The following CDKL3 variants were observed in gnomAD, a reference collection of about 807,000 sequenced individuals.
The protein encoded by CDKL3 is cyclin-dependent kinase-like 3.
A neutral mutation model predicts 69.3 loss-of-function variants in CDKL3; 65 were observed. The observed-to-expected ratio is 0.94, with a 90% CI of 0.77 to 1.15. The LOEUF (loss-of-function observed/expected upper bound fraction) is 1.15, where lower values mean the gene tolerates loss of function less well. Ranked by LOEUF, CDKL3 falls within the 50% of genes most tolerant of loss-of-function variation. CDKL3 has a pLI of 0.00. For missense variants in CDKL3, 652 were observed against 689.2 expected (o/e 0.95, Z 0.61); for synonymous variants, 202 against 221.6 (o/e 0.91, Z 0.79).
upstream of CDKL3, among the ~76,000 whole-genome samples, chr5:134,369,194 G>A (rs928479237): frequency 1.3e-5 from 2 of 152,226 alleles, no homozygotes; most frequent in African/African-American, 4.8e-5. Flanking sequence ...AGGACAGCCA[G>A]TGATTCTTGC....
intron 3 of CDKL3, among the ~76,000 whole-genome samples, chr5:134,357,631 CA>C (rs570936252): frequency 6.7e-6 from 1 of 150,156 alleles, no homozygotes; most frequent in African/African-American, 2.4e-5. Context: ...GACTCTGTCT[CA>C]AAAAAAAATA....
intron 4 of CDKL3, among the ~76,000 whole-genome samples, chr5:134,345,919 G>A (rs1751748290): frequency 6.6e-6 from 1 of 152,160 alleles, no homozygotes; most frequent in Non-Finnish European, 1.5e-5. Flanking sequence ...CTTAGACTAT[G>A]ATACCTGAAA....
chr5:134,364,714 C>T (rs1756967113), intron 2 of CDKL3, among the ~76,000 whole-genome samples: 1 of 151,928 alleles, frequency 6.6e-6, no homozygotes, highest in Non-Finnish European at 1.5e-5. Context: ...GGTTTCACTA[C>T]ATTGGCCAGG....
chr5:134,308,389 T>C lies in CDKL3; in HGVS notation c.1113A>G (p.Ser371=). ...IKVKGGRGDI[S]EPKKKEYEGG... ...CTTCATACTCTTTCTTTTTTGGTTC[T>C]GAGATATCTCCTCTTCCTCCTTTGA... The change falls in exon 9 of 13, where the codon TCA becomes TCG. Residue 371 remains serine, a synonymous_variant. Coordinates refer to ENST00000265334, the MANE Select transcript of CDKL3 (RefSeq NM_001113575.2). 1 of 1,613,650 alleles carries C rather than the reference T, an allele frequency of 6.2e-7. No homozygotes were observed. Among genetic ancestry groups the C allele is most frequent in the Non-Finnish European group, 8.5e-7 (1 of 1,179,718 alleles).
chr5:134,335,141 C>CTTT (rs374206722), intron 4 of CDKL3, among the ~76,000 whole-genome samples: 8 of 136,052 alleles, frequency 5.9e-5, no homozygotes, highest in African/African-American at 2.2e-4. Context: ...TCAACCTCTG[C>CTTT]TTTTTTTTTT....
chr5:134,305,580 T>C (rs1340930759), intron 10 of CDKL3, among the ~76,000 whole-genome samples: 1 of 152,224 alleles, frequency 6.6e-6, no homozygotes, highest in Non-Finnish European at 1.5e-5. Context: ...ACATCCAGCA[T>C]CTGGGAAACC....
chr5:134,366,946 A>T, intron 1 of CDKL3, 31 bp downstream of exon 1: 1 of 991,298 alleles, frequency 1.0e-6, no homozygotes, highest in Non-Finnish European at 1.2e-6. Flanking sequence ...TCTCGCCCGC[A>T]ACTCAAACCA....
chr5:134,350,851 A>G (rs1370530682), intron 3 of CDKL3, among the ~76,000 whole-genome samples: 1 of 151,558 alleles, frequency 6.6e-6, no homozygotes, highest in Non-Finnish European at 1.5e-5. Flanking sequence ...AAAAGAAAAA[A>G]AGAAAGAAAA....
rs867070848 is a variant in CDKL3 at position 134,321,889 on chromosome 5, C to T, written c.554G>A (p.Trp185Ter). Residue 185 changes from tryptophan (W) to a stop codon, truncating the protein, a stop_gained, in exon 5 of 13, where the codon TGG becomes TAG. Coordinates refer to ENST00000265334, the MANE Select transcript of CDKL3 (RefSeq NM_001113575.2). LOFTEE classifies it high-confidence loss of function. ...DTSYGKPVDI[W>*]ALGCMIIEMA... ...CTCAATGATCATACAGCCCAAAGCC[C>T]AGATATCCACAGGTCTGAAACAGAT... The T allele has an allele frequency of 8.8e-6, 14 of 1,596,950 alleles. No individual in the cohort carries two copies. The highest frequency in any genetic ancestry group is 3.4e-5 in the Admixed American group (2 of 59,510).
chr5:134,342,082 C>G (rs566567125), intron 4 of CDKL3, among the ~76,000 whole-genome samples: 3 of 152,040 alleles, frequency 2.0e-5, no homozygotes, highest in Non-Finnish European at 4.4e-5. Flanking sequence ...CTCCTTGGCA[C>G]GAGATGACGA....
At chr5:134,295,559 T>C (rs750530573), downstream of CDKL3, among the ~76,000 whole-genome samples, 1 of 152,248 alleles carries the variant, frequency 6.6e-6, no homozygotes, top group Non-Finnish European at 1.5e-5. Context: ...AACCTAATAG[T>C]TGCTGAGGCC....
chr5:134,354,139 C>T (rs1753982461), intron 3 of CDKL3, among the ~76,000 whole-genome samples: 1 of 152,166 alleles, frequency 6.6e-6, no homozygotes, highest in African/African-American at 2.4e-5. Context: ...CATCAATCTG[C>T]ACTTCCCCCT....
intron 2 of CDKL3, among the ~76,000 whole-genome samples, chr5:134,364,908 G>A (rs1415256864): frequency 6.6e-6 from 1 of 151,734 alleles, no homozygotes; most frequent in Non-Finnish European, 1.5e-5. Context: ...CTGGGTTTGA[G>A]CGATTGTCGT....
intron 12 of CDKL3, 25 bp from the exon 13 acceptor site, chr5:134,298,735 AGAATCAGGGACTG>A (rs752594825): frequency 6.2e-7 from 1 of 1,606,184 alleles, no homozygotes; most frequent in Admixed American, 1.7e-5. Context: ...CAAGCTAGTA[AGAATCAGGGACTG>A]GAATGTAAAT....
intron 6 of CDKL3, among the ~76,000 whole-genome samples, chr5:134,314,517 C>T (rs1401538307): frequency 3.3e-5 from 5 of 152,120 alleles, no homozygotes; most frequent in African/African-American, 1.2e-4. Flanking sequence ...CTCATGGCAA[C>T]TTTATTTGTA....
chr5:134,354,862 G>A (rs1249090969), intron 3 of CDKL3, among the ~76,000 whole-genome samples: 2 of 152,082 alleles, frequency 1.3e-5, no homozygotes, highest in East Asian at 1.9e-4. Context: ...CAGGAGAATC[G>A]CTTGAACCCA....
rs561010193 is a variant in CDKL3 at position 134,355,982 on chromosome 5, G to C, written c.360+3915C>G. ...GACAGTTTTTCTATGGACCAGGCTG[G>C]GGGATGGTTTCAGGATGCTTCAAGT... On this transcript the variant is annotated intron_variant, in intron 3 of 12. Transcript: ENST00000265334. Among the ~76,000 whole-genome samples, 4 of 152,306 alleles carry C rather than the reference G, an allele frequency of 2.6e-5. No homozygotes were observed. The South Asian group carries it at 8.3e-4, about 32-fold the overall frequency.
intron 10 of CDKL3, 99 bp from the exon 11 acceptor site, chr5:134,304,666 A>C: frequency 2.5e-6 from 2 of 797,656 alleles, no homozygotes; most frequent in Non-Finnish European, 1.9e-6. Context: ...TAAGATAGAC[A>C]TAACAATTAA....
downstream of CDKL3, among the ~76,000 whole-genome samples, chr5:134,285,081 G>A (rs1210692296): frequency 6.6e-6 from 1 of 152,202 alleles, no homozygotes; most frequent in African/African-American, 2.4e-5. Context: ...CACAATTTAT[G>A]TTCTTCTGCC....
Sources: gnomAD v4.1 joint callset for allele counts (sites outside exome capture counted in the v4.1 genomes callset) on GRCh38, gnomAD v4.1.1 for gene constraint, MANE v1.5 for transcripts, NCBI Gene and HGNC (gene_info 2026-07-23, HGNC 2026-07-21) for gene names.